The following PHC3 variants were observed in gnomAD, a reference collection of about 807,000 sequenced individuals.
PHC3 encodes polyhomeotic homolog 3.
Under a neutral mutation model 107.4 loss-of-function variants are expected in PHC3, and 13 were observed. The observed-to-expected ratio is 0.12, with a 90% CI of 0.08 to 0.19. The LOEUF (loss-of-function observed/expected upper bound fraction) is 0.19. Ranked by LOEUF, PHC3 falls within the 10% of genes least tolerant of loss-of-function variation. PHC3 has a pLI of 1.00. For synonymous variants in PHC3, 456 were observed against 427.4 expected, an observed-to-expected ratio of 1.07 and a Z score of -0.83; for missense variants, 992 against 1,210.9, an observed-to-expected ratio of 0.82 and a Z score of 2.68.
intron 14 of PHC3, among the ~76,000 whole-genome samples, chr3:170,099,540 G>A (rs1302906267): frequency 3.3e-5 from 5 of 152,114 alleles, no homozygotes; most frequent in Non-Finnish European, 7.4e-5. Flanking sequence ...GGATCCCGGG[G>A]ATGTGTACAA....
chr3:170,123,876 C>A (rs896225864), intron 8 of PHC3, among the ~76,000 whole-genome samples: 1 of 151,884 alleles, frequency 6.6e-6, no homozygotes, highest in Non-Finnish European at 1.5e-5. Context: ...TTGACAGAGT[C>A]TCGCTCTGTT....
Position 170,089,436 on chromosome 3 carries a change from C to T in PHC3, c.*7794G>A, listed in dbSNP as rs1713845280. The T allele has an allele frequency of 6.6e-6, 1 of 152,150 alleles. No individual in the cohort carries two copies. The allele number at this position is 152,150 out of a possible 1,614,324, so 9.4% of individuals were successfully genotyped here. On this transcript the variant is annotated 3_prime_UTR_variant, in exon 15 of 15. Coordinates refer to ENST00000495893, the MANE Select transcript of PHC3 (RefSeq NM_024947.4). ...TTACCCGTTCTACATTTAAAGGATG[C>T]CCTTTTACTATATATGTGCTTTCTA... is the stretch of plus-strand genomic sequence containing the variant.
intron 5 of PHC3, 74 bp from the exon 6 acceptor site, chr3:170,145,595 G>T (rs1005249787): frequency 9.8e-7 from 1 of 1,015,846 alleles, no homozygotes; most frequent in Non-Finnish European, 1.4e-6. Flanking sequence ...TAGCAGGCAA[G>T]AGAGACTGAA....
rs2108239468 is a variant in PHC3, at chr3:170,095,639, A to G, written c.*1591T>C. 6.6e-6 allele frequency: 1 copy of G among 152,216 alleles called. No individual in the cohort carries two copies. The highest frequency in any genetic ancestry group is 6.6e-5 in the Admixed American group (1 of 15,194). 9.4% of individuals were successfully genotyped at this position (152,216 alleles called of 1,614,324 possible). A position where few individuals can be genotyped will look rare whatever the true frequency, so the allele number is the denominator to read the frequency against. On this transcript the variant is annotated 3_prime_UTR_variant, in exon 15 of 15. Transcript: ENST00000495893. ...TTCCCCTCCTTACTCGACTTCTGCC[A>G]AATATCTGTGTATGTTCCTTCAATT... is the stretch of plus-strand genomic sequence containing the variant.
chr3:170,088,928 G>C lies in PHC3; in HGVS notation c.*8302C>G, dbSNP rs1363095177. The C allele has an allele frequency of 6.6e-6, 1 of 152,314 alleles. No homozygotes were observed. The highest frequency in any genetic ancestry group is 6.5e-5 in the Admixed American group (1 of 15,284). 9.4% of individuals were successfully genotyped at this position (152,314 alleles called of 1,614,324 possible). ...TGCCTATAATCCCGGCACTTTGGGAGGCTGAGGTGGGCGGATCACTTGAGG... is the reference window on the plus strand; with the variant it reads ...TGCCTATAATCCCGGCACTTTGGGACGCTGAGGTGGGCGGATCACTTGAGG... On this transcript the variant is annotated 3_prime_UTR_variant, in exon 15 of 15. Coordinates refer to ENST00000495893, the MANE Select transcript of PHC3 (RefSeq NM_024947.4).
In PHC3 at chr3:170,117,439, A is replaced by G; in HGVS notation, c.1980T>C (p.Ala660=). 1.2e-6 allele frequency: 2 copies of G among 1,613,812 alleles called. No homozygotes were observed. The highest frequency in any genetic ancestry group is 1.7e-6 in the Non-Finnish European group (2 of 1,179,770). The part of the protein sequence containing the change: ...VELPAVASVS[A]SVIKSPSDPS... ...GATCTGATGGAGATTTAATTACTGA[A>G]GCACTGACTGATGCCACAGCAGGTA... The change falls in exon 10 of 15, where the codon GCT becomes GCC. Residue 660 remains alanine (A), a synonymous_variant. Transcript: ENST00000495893.
intron 4 of PHC3, among the ~76,000 whole-genome samples, chr3:170,153,427 C>A (rs527283849): frequency 6.6e-6 from 1 of 152,214 alleles, no homozygotes; most frequent in South Asian, 2.1e-4. Context: ...CTTCTACTTG[C>A]CAGATAATCT....
intron 14 of PHC3, among the ~76,000 whole-genome samples, chr3:170,101,613 C>G (rs1715492995): frequency 6.6e-6 from 1 of 152,006 alleles, no homozygotes; most frequent in South Asian, 2.1e-4. Flanking sequence ...TTTCCATATG[C>G]GTAAGGTCAA....
intron 8 of PHC3, among the ~76,000 whole-genome samples, chr3:170,127,300 G>A (rs1184473648): frequency 2.0e-5 from 3 of 152,176 alleles, no homozygotes; most frequent in East Asian, 1.9e-4. Context: ...CCGAGTAGCT[G>A]GGATTACAGG....
At chr3:170,146,535 CTT>C (rs373420736) in intron 5 of PHC3, among the ~76,000 whole-genome samples, 2,169 of 123,422 alleles carry the variant, frequency 0.018, 36 homozygotes, top group African/African-American at 0.06. Flanking sequence ...TTTTCTTTTT[CTT>C]TTTTTTTTTT....
At chr3:170,156,446 G>A (rs1465437676) in intron 4 of PHC3, among the ~76,000 whole-genome samples, 5 of 152,070 alleles carry the variant, frequency 3.3e-5, no homozygotes, top group Admixed American at 3.3e-4. Flanking sequence ...TAGTAGAGAC[G>A]AGTTTCGCCA....
rs76475798 is a variant in PHC3 at position 170,141,505 on chromosome 3, T to C, written c.672+3918A>G. Among the ~76,000 whole-genome samples the C allele has an allele frequency of 2.2e-3, 330 of 152,340 alleles. 3 individuals carry two copies. Among genetic ancestry groups the C allele is most frequent in the African/African-American group, 7.7e-3 (321 of 41,590 alleles). Reference sequence around the variant, plus strand: ...AATATGAAGTAAGATGTTTTCTTCATGAGTACCAGCAAGAAAAATTGTGCT... The same window carrying C: ...AATATGAAGTAAGATGTTTTCTTCACGAGTACCAGCAAGAAAAATTGTGCT... On this transcript the variant is annotated intron_variant, in intron 6 of 14. Transcript: ENST00000495893.
intron 5 of PHC3, among the ~76,000 whole-genome samples, chr3:170,146,529 CTTTTT>C (rs1724983523): frequency 1.4e-5 from 2 of 138,948 alleles, no homozygotes; most frequent in African/African-American, 5.3e-5. Flanking sequence ...TTTTCCTTTT[CTTTTT>C]CTTTTTTTTT....
intron 7 of PHC3, among the ~76,000 whole-genome samples, chr3:170,134,351 G>T (rs191431495): frequency 6.6e-6 from 1 of 151,840 alleles, no homozygotes; most frequent in East Asian, 1.9e-4. Flanking sequence ...CACTACGCAC[G>T]GCTAATTTTT....
chr3:170,105,084 AAT>A (rs1008022928), intron 12 of PHC3, among the ~76,000 whole-genome samples: 32 of 152,338 alleles, frequency 2.1e-4, no homozygotes, highest in African/African-American at 7.2e-4. Flanking sequence ...AAAGGATACT[AAT>A]GTGACAGCTC....
At position 170,178,861 on chromosome 3, in the gene PHC3, G is replaced by A; in HGVS notation, c.92C>T (p.Thr31Ile). Residue 31 changes from threonine (T) to isoleucine (I), a missense_variant, in exon 2 of 15, where the codon ACC becomes ATC. This residue lies in a region of PHC3 where 161 missense variants were observed against 183.7 expected (regional missense o/e 0.88). Coordinates refer to ENST00000495893, the MANE Select transcript of PHC3 (RefSeq NM_024947.4). ...TSSVSTTTSSTTTTTITTSSS... is the reference protein window; with the variant it reads ...TSSVSTTTSSITTTTITTSSS... Reference sequence around the variant, plus strand: ...GGAAGTGGTGATGGTGGTGGTGGTGGTACTGCTGGTTGTTGTTGACACAGA... The same window carrying A: ...GGAAGTGGTGATGGTGGTGGTGGTGATACTGCTGGTTGTTGTTGACACAGA... 6.2e-7 allele frequency: 1 copy of A among 1,613,804 alleles called. No individual in the cohort carries two copies. The highest frequency in any genetic ancestry group is 8.5e-7 in the Non-Finnish European group (1 of 1,179,698).
chr3:170,130,762 G>A (rs1311339741), intron 7 of PHC3, among the ~76,000 whole-genome samples: 1 of 152,194 alleles, frequency 6.6e-6, no homozygotes, highest in South Asian at 2.1e-4. Context: ...TCTGCAAACT[G>A]GTGGCACATG....
At chr3:170,119,795 C>T (rs565524582) in intron 9 of PHC3, among the ~76,000 whole-genome samples, 1 of 150,608 alleles carries the variant, frequency 6.6e-6, no homozygotes, top group South Asian at 2.1e-4. Context: ...TCTATTTCTG[C>T]AAGTTAGTTT....
chr3:170,164,295 T>G (rs530233388), intron 4 of PHC3, among the ~76,000 whole-genome samples: 12 of 152,318 alleles, frequency 7.9e-5, no homozygotes, highest in African/African-American at 2.2e-4. Context: ...TCACTTTTAC[T>G]CTATATATTT....
Sources: gnomAD v4.1 joint callset for allele counts (sites outside exome capture counted in the v4.1 genomes callset) on GRCh38, gnomAD v4.1.1 for gene constraint, gnomAD v4.1.1 regional missense constraint, MANE v1.5 for transcripts, NCBI Gene and HGNC (gene_info 2026-07-23, HGNC 2026-07-21) for gene names.